The following BRWD1 variants were observed in gnomAD, a reference collection of about 807,000 sequenced individuals.
BRWD1 encodes bromodomain and WD repeat domain containing 1, also known as bromodomain and WD repeat-containing protein 1.
In BRWD1, 82 loss-of-function variants were observed where a neutral mutation model predicts 251.2. The ratio of observed to expected loss-of-function variants is 0.33; its 90% CI spans 0.27 to 0.39. BRWD1 has a LOEUF of 0.39. Among genes scored for constraint, BRWD1 ranks in the 10% least tolerant of loss-of-function variants. The pLI is 1.00. For synonymous variants in BRWD1, 918 were observed against 902.8 expected (o/e 1.02, Z -0.30); for missense variants, 2,233 against 2,711.6 (o/e 0.82, Z 3.92).
intron 29 of BRWD1, among the ~76,000 whole-genome samples, chr21:39,223,307 A>T (rs2033254679): frequency 6.6e-6 from 1 of 152,146 alleles, no homozygotes; most frequent in Admixed American, 6.6e-5. Flanking sequence ...CAAGTTTTTT[A>T]AAGTGCTATA....
At position 39,277,349 on chromosome 21, in the gene BRWD1, C is replaced by A; in HGVS notation, c.1006G>T (p.Gly336Cys). The change falls in exon 11 of 41, where the codon GGT becomes TGT. Residue 336 changes from glycine to cysteine, a missense_variant and splice_region_variant. Physicochemically the swap from Gly to Cys is radical, Grantham distance 159. Coordinates refer to ENST00000342449, the MANE Select transcript of BRWD1 (RefSeq NM_033656.4). ...QMLCSSFSVGGMFLATGSTDH... is the reference protein window; with the variant it reads ...QMLCSSFSVGCMFLATGSTDH... ...GTACTACCTGTGGCTAAAAACATACCACCTGAAATAAAAATGGTAAGGTTT... is the reference window on the plus strand; with the variant it reads ...GTACTACCTGTGGCTAAAAACATACAACCTGAAATAAAAATGGTAAGGTTT... 1.3e-6 allele frequency: 2 copies of A among 1,568,994 alleles called. No individual in the cohort carries two copies. The highest frequency in any genetic ancestry group is 1.2e-5 in the South Asian group (1 of 84,184).
chr21:39,269,986 G>A lies in BRWD1; in HGVS notation c.1443C>T (p.Ser481=). 1 of 1,591,646 alleles carries A rather than the reference G, an allele frequency of 6.3e-7. No individual in the cohort carries two copies. The highest frequency in any genetic ancestry group is 8.6e-7 in the Non-Finnish European group (1 of 1,168,282). ...CATGTCCTGCAGATAACATAATTCT[G>A]GAATCAAAGGGATGTGTCTCCAGAA... ...VFVLETHPFD[S]RIMLSAGHDG... The change falls in exon 15 of 41, where the codon TCC becomes TCT. Residue 481 remains serine, a synonymous_variant. Coordinates refer to ENST00000342449, the MANE Select transcript of BRWD1 (RefSeq NM_033656.4).
intron 2 of BRWD1, 43 bp downstream of exon 2, chr21:39,313,198 C>CT: frequency 6.6e-7 from 1 of 1,519,130 alleles, no homozygotes; most frequent in Non-Finnish European, 8.9e-7. Context: ...GGCGGGGACA[C>CT]TGGGGACGCC....
At position 39,252,095 on chromosome 21, in the gene BRWD1, C is replaced by T. The variant is rs1405514756; in HGVS notation, c.2256-1206G>A. ...CAGCCTGGCCAACATGATGAAACCC[C>T]GTCTCTACTAAAAATACAAAAAATT... is the stretch of plus-strand genomic sequence containing the variant. On this transcript the variant is annotated intron_variant, in intron 19 of 40. Transcript: ENST00000342449. 2.6e-5 allele frequency among the ~76,000 whole-genome samples: 4 copies of T among 151,740 alleles called. No homozygotes were observed. The East Asian group carries it at 5.8e-4, about 22-fold the overall frequency.
chr21:39,319,371 T>C (rs1008955527), intron 1 of BRWD1, among the ~76,000 whole-genome samples: 1 of 152,180 alleles, frequency 6.6e-6, no homozygotes, highest in Non-Finnish European at 1.5e-5. Context: ...CGCTGGCCCA[T>C]GTCTGTCTCC....
chr21:39,302,740 G>A (rs1257791855), intron 4 of BRWD1, among the ~76,000 whole-genome samples: 1 of 128,432 alleles, frequency 7.8e-6, no homozygotes, highest in Non-Finnish European at 1.6e-5. Flanking sequence ...AGGTGACAGA[G>A]TGAGACTCCG....
intron 4 of BRWD1, among the ~76,000 whole-genome samples, chr21:39,306,948 G>C (rs899106285): frequency 6.6e-6 from 1 of 152,116 alleles, no homozygotes; most frequent in Non-Finnish European, 1.5e-5. Flanking sequence ...CTGCCTCCTG[G>C]GTTCAAGTGA....
intron 17 of BRWD1, among the ~76,000 whole-genome samples, chr21:39,260,996 G>T (rs968345034): frequency 6.6e-6 from 1 of 152,150 alleles, no homozygotes; most frequent in Middle Eastern, 3.2e-3. Context: ...AGGCTGAGGT[G>T]GGCGGATCAC....
intron 17 of BRWD1, among the ~76,000 whole-genome samples, chr21:39,260,779 T>A (rs1028353198): frequency 2.6e-5 from 4 of 152,030 alleles, no homozygotes; most frequent in Non-Finnish European, 5.9e-5. Context: ...CCAAACAGCA[T>A]CCACAGATCT....
In BRWD1 at chr21:39,190,214, T is replaced by G; in HGVS notation, c.*6045A>C. ...CTAGTTTCTACATTTCAAGGATTAA[T>G]CATATTCTAATTAGACTTTTTTTTA... On this transcript the variant is annotated 3_prime_UTR_variant, in exon 41 of 41. Transcript: ENST00000342449. 1.0e-6 allele frequency: 1 copy of G among 977,006 alleles called. No homozygotes were observed. The highest frequency in any genetic ancestry group is 1.2e-6 in the Non-Finnish European group (1 of 825,968). 60.5% of individuals were successfully genotyped at this position (977,006 alleles called of 1,614,324 possible).
chr21:39,223,461 G>T (rs2033260619), intron 29 of BRWD1, among the ~76,000 whole-genome samples: 1 of 152,106 alleles, frequency 6.6e-6, no homozygotes, highest in South Asian at 2.1e-4. Context: ...GAAAACAATG[G>T]ACACAAGAGA....
intron 4 of BRWD1, among the ~76,000 whole-genome samples, chr21:39,311,673 C>G (rs777169364): frequency 4.6e-5 from 7 of 152,220 alleles, no homozygotes; most frequent in Non-Finnish European, 8.8e-5. Flanking sequence ...ATGTCAAACT[C>G]AACACATTGC....
At chr21:39,221,154 TAAAAAAAAAA>T (rs35879682) in intron 29 of BRWD1, among the ~76,000 whole-genome samples, 4 of 109,908 alleles carry the variant, frequency 3.6e-5, no homozygotes, top group Non-Finnish European at 5.6e-5. Context: ...AACTACATCT[TAAAAAAAAAA>T]AAAAAAAAAA....
intron 13 of BRWD1, 114 bp downstream of exon 13, chr21:39,274,260 G>C (rs1014134860): frequency 6.4e-6 from 5 of 782,982 alleles, no homozygotes; most frequent in South Asian, 1.6e-5. Flanking sequence ...ATAGAAGGTA[G>C]CTATAATCCC....
intron 8 of BRWD1, among the ~76,000 whole-genome samples, chr21:39,280,669 T>C (rs75040786): frequency 1.1e-3 from 160 of 152,252 alleles, no homozygotes; most frequent in African/African-American, 3.5e-3. Context: ...AAAACATGAA[T>C]CCTAATCTAA....
intron 21 of BRWD1, among the ~76,000 whole-genome samples, chr21:39,241,847 T>C (rs552566807): frequency 2.0e-5 from 3 of 152,228 alleles, no homozygotes; most frequent in Non-Finnish European, 4.4e-5. Flanking sequence ...TCAAACTTTT[T>C]CATTTTTATT....
rs1006384687 is a variant in BRWD1, at chr21:39,274,367, A to G, written c.1244+7T>C. On this transcript the variant is annotated splice_region_variant and intron_variant, in intron 13 of 40. Coordinates refer to ENST00000342449, the MANE Select transcript of BRWD1 (RefSeq NM_033656.4). Reference sequence around the variant, plus strand: ...TGATGCACCTACTTCTAACAATCTCAACTTACCCTGAGATTCTGGTAGCCA... The same window carrying G: ...TGATGCACCTACTTCTAACAATCTCGACTTACCCTGAGATTCTGGTAGCCA... 2 of 1,605,122 alleles carry G rather than the reference A, an allele frequency of 1.2e-6. No homozygotes were observed. Among genetic ancestry groups the G allele is most frequent in the African/African-American group, 2.7e-5 (2 of 74,582 alleles).
chr21:39,263,016 T>C (rs750639955), intron 17 of BRWD1, among the ~76,000 whole-genome samples: 12 of 152,072 alleles, frequency 7.9e-5, no homozygotes, highest in Non-Finnish European at 1.3e-4. Flanking sequence ...CTCAGGAGGC[T>C]GAGGTAGGAG....
intron 21 of BRWD1, among the ~76,000 whole-genome samples, chr21:39,241,636 CA>C (rs1246098240): frequency 6.6e-6 from 1 of 150,656 alleles, no homozygotes; most frequent in African/African-American, 2.4e-5. Flanking sequence ...GATATACAGA[CA>C]AAAAAATACA....
Sources: gnomAD v4.1 joint callset for allele counts (sites outside exome capture counted in the v4.1 genomes callset) on GRCh38, gnomAD v4.1.1 for gene constraint, MANE v1.5 for transcripts, NCBI Gene and HGNC (gene_info 2026-07-23, HGNC 2026-07-21) for gene names.